The following MSRA variants were observed in gnomAD, a reference collection of about 807,000 sequenced individuals.
MSRA encodes the protein mitochondrial peptide methionine sulfoxide reductase.
A neutral mutation model predicts 31.3 loss-of-function variants in MSRA; 54 were observed. The ratio of observed to expected loss-of-function variants is 1.73; its 90% CI spans 1.39 to 2.17. The LOEUF is 2.17. Ranked by LOEUF, MSRA falls within the 30% of genes most tolerant of loss-of-function variation. The pLI, the probability that MSRA is intolerant of heterozygous loss-of-function variation, is 0.00. For synonymous variants in MSRA, 169 were observed against 116.5 expected (o/e 1.45, Z -2.90); for missense variants, 507 against 300.9 (o/e 1.69, Z -5.07).
intron 5 of MSRA, among the ~76,000 whole-genome samples, chr8:10,392,802 T>G (rs1343005162): frequency 6.8e-6 from 1 of 147,994 alleles, no homozygotes; most frequent in African/African-American, 2.5e-5. Flanking sequence ...ATCCCAGCAC[T>G]TTGGGAGGCT....
chr8:10,338,334 G>A (rs1803191572), intron 5 of MSRA, among the ~76,000 whole-genome samples: 1 of 152,190 alleles, frequency 6.6e-6, no homozygotes, highest in Non-Finnish European at 1.5e-5. Flanking sequence ...AAAGGCCAGA[G>A]GCCAGGGTGG....
chr8:10,242,762 A>G (rs1036111505), intron 2 of MSRA, among the ~76,000 whole-genome samples: 1 of 152,208 alleles, frequency 6.6e-6, no homozygotes, highest in African/African-American at 2.4e-5. Flanking sequence ...TCAAAGCCAC[A>G]TAATAGAATG....
intron 5 of MSRA, among the ~76,000 whole-genome samples, chr8:10,398,316 G>T (rs1235799995): frequency 1.3e-5 from 2 of 152,198 alleles, no homozygotes; most frequent in African/African-American, 2.4e-5. Context: ...GCTGGATTCT[G>T]CCTTTATGTA....
intron 1 of MSRA, among the ~76,000 whole-genome samples, chr8:10,114,286 T>G (rs1800510484): frequency 6.6e-6 from 1 of 152,234 alleles, no homozygotes; most frequent in South Asian, 2.1e-4. Context: ...CGAATAATGT[T>G]GCTGTGAACA....
intron 5 of MSRA, among the ~76,000 whole-genome samples, chr8:10,379,090 T>C (rs776491251): frequency 2.0e-5 from 3 of 152,180 alleles, no homozygotes; most frequent in Non-Finnish European, 4.4e-5. Context: ...CCTTCATATT[T>C]GTCATTTTCA....
At chr8:10,063,153 A>G (rs1203139722) in intron 1 of MSRA, among the ~76,000 whole-genome samples, 2 of 152,126 alleles carry the variant, frequency 1.3e-5, no homozygotes, top group Non-Finnish European at 2.9e-5. Flanking sequence ...AACCTCTCTC[A>G]GTGGCACTGC....
intron 5 of MSRA, among the ~76,000 whole-genome samples, chr8:10,346,127 C>A (rs990375622): frequency 6.6e-6 from 1 of 152,202 alleles, no homozygotes; most frequent in Admixed American, 6.5e-5. Flanking sequence ...CCTAAGGATA[C>A]CAGGCCATCC....
chr8:10,216,081 A>G (rs1421997591), intron 2 of MSRA, among the ~76,000 whole-genome samples: 3 of 152,242 alleles, frequency 2.0e-5, no homozygotes, highest in African/African-American at 7.2e-5. Context: ...TAAGAAAAAT[A>G]CGGAGCAATC....
At chr8:10,100,274 A>T (rs945401533) in intron 1 of MSRA, among the ~76,000 whole-genome samples, 1 of 152,046 alleles carries the variant, frequency 6.6e-6, no homozygotes, top group Non-Finnish European at 1.5e-5. Context: ...GAGGCCCAGG[A>T]GAGGGAGAGG....
At chr8:10,304,004 C>A (rs1025669916) in intron 4 of MSRA, among the ~76,000 whole-genome samples, 1 of 152,152 alleles carries the variant, frequency 6.6e-6, no homozygotes, top group Non-Finnish European at 1.5e-5. Flanking sequence ...GGCGTGATCG[C>A]GTCTCACTGA....
chr8:10,081,757 C>G lies in MSRA; in HGVS notation c.142+27099C>G, dbSNP rs777648100. On this transcript the variant is annotated intron_variant, in intron 1 of 5. Transcript: ENST00000317173. ...TGCCTGCCTCGGCCTCCCAAAGTCC[C>G]GGGAGATGGGATTACAGGTGTGAGC... is the stretch of plus-strand genomic sequence containing the variant. 2.6e-5 allele frequency among the ~76,000 whole-genome samples: 4 copies of G among 152,074 alleles called. No individual in the cohort carries two copies. The South Asian group carries it at 8.3e-4, about 32-fold the overall frequency.
intron 1 of MSRA, among the ~76,000 whole-genome samples, chr8:10,057,136 G>C (rs1358616289): frequency 6.6e-6 from 1 of 152,088 alleles, no homozygotes; most frequent in Non-Finnish European, 1.5e-5. Flanking sequence ...ACCTAAAATG[G>C]ATGAAAACAT....
chr8:10,156,268 T>C (rs1255852639), intron 1 of MSRA, among the ~76,000 whole-genome samples: 1 of 152,190 alleles, frequency 6.6e-6, no homozygotes, highest in Non-Finnish European at 1.5e-5. Context: ...AATGTGAGTG[T>C]GGACTGTATG....
At chr8:10,389,627 C>G (rs1054598515) in intron 5 of MSRA, among the ~76,000 whole-genome samples, 1 of 152,182 alleles carries the variant, frequency 6.6e-6, no homozygotes, top group Non-Finnish European at 1.5e-5. Flanking sequence ...GGAGCAGGCC[C>G]TGCTTCCTGC....
At chr8:10,323,766 G>GTGTGTGTGTGTC (rs1554526768) in intron 5 of MSRA, among the ~76,000 whole-genome samples, 1 of 151,546 alleles carries the variant, frequency 6.6e-6, no homozygotes, top group East Asian at 1.9e-4. Context: ...GTGTGTGTGT[G>GTGTGTGTGTGTC]TGTGTGTGTC....
intron 5 of MSRA, among the ~76,000 whole-genome samples, chr8:10,385,273 G>A (rs896039133): frequency 5.3e-5 from 8 of 152,174 alleles, no homozygotes; most frequent in African/African-American, 9.7e-5. Context: ...AACTCAATTC[G>A]ATACTGAAGT....
At chr8:10,385,909 G>A (rs1259287304) in intron 5 of MSRA, among the ~76,000 whole-genome samples, 1 of 152,110 alleles carries the variant, frequency 6.6e-6, no homozygotes, top group African/African-American at 2.4e-5. Flanking sequence ...AGAATACGTC[G>A]TGACAGAGGA....
At chr8:10,391,545 C>A (rs947158094) in intron 5 of MSRA, among the ~76,000 whole-genome samples, 1 of 152,202 alleles carries the variant, frequency 6.6e-6, no homozygotes, top group Non-Finnish European at 1.5e-5. Context: ...GGGCATTTTA[C>A]TACTGATGAA....
intron 5 of MSRA, among the ~76,000 whole-genome samples, chr8:10,409,747 T>A (rs202220578): frequency 6.6e-6 from 1 of 152,244 alleles, no homozygotes; most frequent in East Asian, 1.9e-4. Context: ...TTGGGTTGAT[T>A]TAATAGACTC....
Sources: allele counts gnomAD v4.1 joint callset (sites outside exome capture counted in the v4.1 genomes callset), GRCh38; gene constraint gnomAD v4.1.1; transcripts MANE v1.5; gene names NCBI Gene and HGNC (gene_info 2026-07-23, HGNC 2026-07-21).